Variants in UNC13C observed in about 807,000 individuals in gnomAD.
UNC13C encodes unc-13 homolog C.
UNC13C carries 174 observed loss-of-function variants against 245.4 expected under a neutral mutation model. The ratio of observed to expected loss-of-function variants is 0.71; its 90% confidence interval spans 0.63 to 0.80. The LOEUF (loss-of-function observed/expected upper bound fraction) is 0.80. UNC13C is among the 30% of genes least tolerant of loss of function. The pLI, the probability that UNC13C is intolerant of heterozygous loss-of-function variation, is 0.00. For synonymous variants in UNC13C, 992 were observed against 895.1 expected (o/e 1.11, Z -1.93); for missense variants, 2,829 against 2,602.9 (o/e 1.09, Z -1.89).
intron 17 of UNC13C, among the ~76,000 whole-genome samples, chr15:54,383,451 A>G (rs555468495): frequency 5.5e-4 from 84 of 152,190 alleles, no homozygotes; most frequent in Non-Finnish European, 1.1e-3. Context: ...GATTATCACA[A>G]TAGATGCAGG....
chr15:54,300,362 T>C lies in UNC13C; in HGVS notation c.4257T>C (p.Tyr1419=). 2 of 1,573,666 alleles carry C rather than the reference T, an allele frequency of 1.3e-6. No individual in the cohort carries two copies. Among genetic ancestry groups the C allele is most frequent in the South Asian group, 2.3e-5 (2 of 85,912 alleles). The change falls in exon 13 of 33, where the codon TAT becomes TAC. Residue 1419 remains tyrosine (Y), a synonymous_variant. Transcript: ENST00000260323. Reference sequence around the variant, plus strand: ...TGCGTTATGGAATTGAATCCATTTATCAAGCTATGACGTAAGTACTACAGA... The same window carrying C: ...TGCGTTATGGAATTGAATCCATTTACCAAGCTATGACGTAAGTACTACAGA... ...FAMRYGIESI[Y]QAMTHFSCLS... is the part of the protein sequence containing the mutation.
the UNC13C span, among the ~76,000 whole-genome samples, chr15:53,875,901 A>G: frequency 6.6e-6 from 1 of 152,172 alleles, no homozygotes; most frequent in African/African-American, 2.4e-5. Flanking sequence ...CTGACACTGA[A>G]GTGTCAATGT....
chr15:54,092,340 C>T (rs1899618496), intron 2 of UNC13C, among the ~76,000 whole-genome samples: 1 of 152,118 alleles, frequency 6.6e-6, no homozygotes, highest in African/African-American at 2.4e-5. Flanking sequence ...AAAGCATATT[C>T]ATTACCCAAG....
intron 30 of UNC13C, among the ~76,000 whole-genome samples, chr15:54,578,378 AT>A (rs1177724344): frequency 6.6e-6 from 1 of 152,182 alleles, no homozygotes; most frequent in African/African-American, 2.4e-5. Context: ...AACTGTATAT[AT>A]GATGCATTTC....
At position 54,539,156 on chromosome 15, in the gene UNC13C, C is replaced by G. The variant is rs558952921; in HGVS notation, c.5696+6090C>G. Among the ~76,000 whole-genome samples, 306 of 152,116 alleles carry G rather than the reference C, an allele frequency of 2.0e-3. 1 individual carries two copies. Among genetic ancestry groups the G allele is most frequent in the African/African-American group, 7.1e-3 (294 of 41,534 alleles). On this transcript the variant is annotated intron_variant, in intron 26 of 32. Coordinates refer to ENST00000260323, the MANE Select transcript of UNC13C (RefSeq NM_001080534.3). ...GAAATAACTCATAGGAAAATATCTTCTGTATACTATGACTTCTGTTTTAAT... is the reference window on the plus strand; with the variant it reads ...GAAATAACTCATAGGAAAATATCTTGTGTATACTATGACTTCTGTTTTAAT...
chr15:54,462,866 C>G (rs1198936189), intron 19 of UNC13C, among the ~76,000 whole-genome samples: 1 of 152,146 alleles, frequency 6.6e-6, no homozygotes, highest in East Asian at 1.9e-4. Context: ...GCAGGCAGCT[C>G]CACCCATGGG....
chr15:54,213,275 C>A (rs1257487057), intron 4 of UNC13C, among the ~76,000 whole-genome samples: 1 of 151,822 alleles, frequency 6.6e-6, no homozygotes, highest in Non-Finnish European at 1.5e-5. Flanking sequence ...AGAATTCTTT[C>A]ATTCATTAAT....
intron 19 of UNC13C, among the ~76,000 whole-genome samples, chr15:54,441,208 G>T (rs1297716303): frequency 6.6e-6 from 1 of 151,790 alleles, no homozygotes; most frequent in Non-Finnish European, 1.5e-5. Flanking sequence ...TATTGCTTGT[G>T]CTTTTGAGGT....
chr15:54,339,201 T>C (rs773930559), intron 17 of UNC13C, among the ~76,000 whole-genome samples: 1 of 152,342 alleles, frequency 6.6e-6, no homozygotes, highest in Non-Finnish European at 1.5e-5. Flanking sequence ...ATTTCAAAAA[T>C]ACAATTTAAA....
At chr15:54,261,643 C>T (rs2036428351) in intron 8 of UNC13C, among the ~76,000 whole-genome samples, 1 of 152,112 alleles carries the variant, frequency 6.6e-6, no homozygotes, top group South Asian at 2.1e-4. Context: ...CCCAGATTCA[C>T]GCCATTCTCC....
chr15:53,939,553 A>G, the UNC13C span, among the ~76,000 whole-genome samples: 11 of 152,330 alleles, frequency 7.2e-5, no homozygotes, highest in African/African-American at 2.6e-4. Flanking sequence ...ACTTCAGGCC[A>G]GTATCCCTGA....
intron 4 of UNC13C, among the ~76,000 whole-genome samples, chr15:54,230,505 ATTTTC>A (rs2035520828): frequency 6.6e-6 from 1 of 152,018 alleles, no homozygotes; most frequent in South Asian, 2.1e-4. Flanking sequence ...ATCAACTTTT[ATTTTC>A]TTTATCTAAA....
intron 10 of UNC13C, among the ~76,000 whole-genome samples, chr15:54,285,299 T>A (rs991096197): frequency 3.6e-4 from 55 of 152,186 alleles, no homozygotes; most frequent in African/African-American, 1.2e-3. Context: ...AAATTGCTCC[T>A]GTTAAATGTA....
intron 4 of UNC13C, among the ~76,000 whole-genome samples, chr15:54,219,620 G>T (rs866842569): frequency 0.083 from 12,352 of 148,670 alleles, 687 homozygotes; most frequent in South Asian, 0.2. Context: ...AAACTAAAGA[G>T]CTTCTGCACA....
At chr15:53,946,719 T>C in the UNC13C span, among the ~76,000 whole-genome samples, 1 of 151,086 alleles carries the variant, frequency 6.6e-6, no homozygotes, top group Non-Finnish European at 1.5e-5. Context: ...TTATTGAATT[T>C]TATCAAAAGG....
intron 4 of UNC13C, among the ~76,000 whole-genome samples, chr15:54,211,269 T>C (rs759167946): frequency 2.1e-4 from 32 of 152,042 alleles, no homozygotes; most frequent in Non-Finnish European, 1.2e-4. Flanking sequence ...TTTCTATAAA[T>C]GTTATGTAGA....
At chr15:53,958,106 T>C in the UNC13C span, among the ~76,000 whole-genome samples, 39 of 152,176 alleles carry the variant, frequency 2.6e-4, no homozygotes, top group African/African-American at 9.4e-4. Flanking sequence ...GCATGAGAAA[T>C]ACTACAGCCA....
intron 10 of UNC13C, among the ~76,000 whole-genome samples, chr15:54,284,488 G>A (rs1008595812): frequency 6.6e-6 from 1 of 152,148 alleles, no homozygotes; most frequent in African/African-American, 2.4e-5. Flanking sequence ...TTGAAAGACA[G>A]GTAAGTGTTC....
At chr15:54,552,556 T>C (rs1483583253) in intron 28 of UNC13C, among the ~76,000 whole-genome samples, 1 of 17,432 alleles carries the variant, frequency 5.7e-5, no homozygotes, top group African/African-American at 1.9e-4. Context: ...ATATTGTATA[T>C]AATTATATAT....
Sources: allele counts gnomAD v4.1 joint callset (sites outside exome capture counted in the v4.1 genomes callset), GRCh38; gene constraint gnomAD v4.1.1; transcripts MANE v1.5; gene names NCBI Gene and HGNC (gene_info 2026-07-23, HGNC 2026-07-21).